Variants in RBMS3 observed in about 807,000 individuals in gnomAD.
RBMS3 encodes the protein RNA binding motif single stranded interacting protein 3.
Under a neutral mutation model 66.8 loss-of-function variants are expected in RBMS3, and 27 were observed. The ratio of observed to expected loss-of-function variants is 0.40; its 90% CI spans 0.30 to 0.56. The LOEUF is 0.56. Ranked by LOEUF, RBMS3 falls within the 20% of genes least tolerant of loss-of-function variation. RBMS3 has a pLI of 0.40. For missense variants in RBMS3, 513 were observed against 549.5 expected, an observed-to-expected ratio of 0.93 and a Z score of 0.66; for synonymous variants, 188 against 183.0, an observed-to-expected ratio of 1.03 and a Z score of -0.22.
chr3:29,974,204 T>C (rs1377828715), intron 12 of RBMS3, among the ~76,000 whole-genome samples: 1 of 151,944 alleles, frequency 6.6e-6, no homozygotes, highest in Non-Finnish European at 1.5e-5. Context: ...TTCACTCTCC[T>C]GCTCTTCAAG....
rs756895558 is a variant in RBMS3 at position 29,307,435 on chromosome 3, C to T, written c.75+25679C>T. The stretch of plus-strand genomic sequence containing the variant: ...TTATAAAGTAGCCCCTAATCTCTCA[C>T]CATGATAGGCCAGCTATACATAGTG... On this transcript the variant is annotated intron_variant, in intron 1 of 14. Coordinates refer to ENST00000383767, the MANE Select transcript of RBMS3 (RefSeq NM_001003793.3). Among the ~76,000 whole-genome samples, 110 of 151,890 alleles carry T rather than the reference C, an allele frequency of 7.2e-4. 2 individuals are homozygous for T. The highest frequency in any genetic ancestry group is 3.4e-4 in the Non-Finnish European group (23 of 67,908).
At chr3:29,980,021 G>A (rs772655730) in intron 12 of RBMS3, among the ~76,000 whole-genome samples, 15 of 152,066 alleles carry the variant, frequency 9.9e-5, no homozygotes, top group Non-Finnish European at 1.5e-4. Context: ...ACTGTCTTCC[G>A]CAATGGTAGA....
rs116691329 is a variant in RBMS3 at position 29,311,680 on chromosome 3, G to A, written c.75+29924G>A. Among the ~76,000 whole-genome samples, 816 of 151,930 alleles carry A rather than the reference G, an allele frequency of 5.4e-3. 11 individuals carry two copies. The highest frequency in any genetic ancestry group is 0.019 in the African/African-American group (773 of 41,506). On this transcript the variant is annotated intron_variant, in intron 1 of 14. Transcript: ENST00000383767. ...TGGAAGCCACTATAGAGTAATAGGC[G>A]TAAGAGCATTGCATTGAAATCTACA...
At chr3:29,363,722 G>A (rs1011000110) in intron 1 of RBMS3, among the ~76,000 whole-genome samples, 1 of 151,620 alleles carries the variant, frequency 6.6e-6, no homozygotes, top group Non-Finnish European at 1.5e-5. Context: ...CCCAGGAGGC[G>A]GAGGTTGTGG....
rs74406948 is a variant in RBMS3 at position 29,407,979 on chromosome 3, A to G, written c.76-26764A>G. 5.2e-3 allele frequency among the ~76,000 whole-genome samples: 791 copies of G among 152,258 alleles called. 15 individuals are homozygous for G. In the East Asian group the frequency reaches 0.053, roughly 10 times the overall value. ...TACTCAATTTTCAAAGTCATTAGAAATTAGGAAAATTGGCTGGGCACGGTG... is the reference window on the plus strand; with the variant it reads ...TACTCAATTTTCAAAGTCATTAGAAGTTAGGAAAATTGGCTGGGCACGGTG... On this transcript the variant is annotated intron_variant, in intron 1 of 14. Coordinates refer to ENST00000383767, the MANE Select transcript of RBMS3 (RefSeq NM_001003793.3).
intron 3 of RBMS3, among the ~76,000 whole-genome samples, chr3:29,541,880 G>A (rs1275004017): frequency 6.6e-6 from 1 of 151,744 alleles, no homozygotes; most frequent in East Asian, 1.9e-4. Context: ...CCCCTCCTTG[G>A]TGTACATGCT....
In RBMS3 at chr3:29,683,166, G is replaced by T. The variant is rs770191989; in HGVS notation, c.400-56554G>T. 7.2e-5 allele frequency among the ~76,000 whole-genome samples: 11 copies of T among 152,122 alleles called. No homozygotes were observed. The South Asian group carries it at 1.5e-3, about 20-fold the overall frequency. On this transcript the variant is annotated intron_variant, in intron 4 of 14. Coordinates refer to ENST00000383767, the MANE Select transcript of RBMS3 (RefSeq NM_001003793.3). ...CAGCAGATGTCAAGACCATTTGTTT[G>T]GTTCCTCATAGCCTCCATGTGATCT...
At chr3:29,475,497 A>G (rs1157423075) in intron 2 of RBMS3, among the ~76,000 whole-genome samples, 1 of 152,124 alleles carries the variant, frequency 6.6e-6, no homozygotes, top group East Asian at 1.9e-4. Context: ...CAATCCGTCC[A>G]GCTCAGCCTC....
At chr3:29,525,539 G>A (rs1049728307) in intron 3 of RBMS3, among the ~76,000 whole-genome samples, 1 of 152,180 alleles carries the variant, frequency 6.6e-6, no homozygotes, top group African/African-American at 2.4e-5. Context: ...AAGTAGCATG[G>A]TATGCAACTC....
chr3:29,615,657 C>G (rs1337186637), intron 4 of RBMS3, among the ~76,000 whole-genome samples: 1 of 152,108 alleles, frequency 6.6e-6, no homozygotes, highest in Admixed American at 6.6e-5. Context: ...AAAAAGACTA[C>G]TTGAGTCCAA....
rs540828247 is a variant in RBMS3, at chr3:29,847,809, T to C, written c.638-21049T>C. Among the ~76,000 whole-genome samples, 453 of 152,170 alleles carry C rather than the reference T, an allele frequency of 3.0e-3. 1 individual carries two copies. Among genetic ancestry groups the C allele is most frequent in the African/African-American group, 0.01 (425 of 41,524 alleles). ...TAGCTGGGACTACAGGCGCTCGCCG[T>C]CACGCCCGGCTAATTTTCTTGTGTT... On this transcript the variant is annotated intron_variant, in intron 6 of 14. Coordinates refer to ENST00000383767, the MANE Select transcript of RBMS3 (RefSeq NM_001003793.3).
chr3:29,700,839 C>T (rs1469922455), intron 4 of RBMS3, among the ~76,000 whole-genome samples: 1 of 114,430 alleles, frequency 8.7e-6, no homozygotes, highest in Non-Finnish European at 1.7e-5. Flanking sequence ...GGTTAGAGGA[C>T]ACACGAGGGA....
intron 1 of RBMS3, among the ~76,000 whole-genome samples, chr3:29,423,795 G>C (rs931072337): frequency 1.3e-5 from 2 of 152,184 alleles, no homozygotes; most frequent in African/African-American, 4.8e-5. Flanking sequence ...AATTTAAATA[G>C]CTGCATGCTG....
rs531860635 is a variant in RBMS3 at position 29,912,079 on chromosome 3, G to T, written c.939+12324G>T. ...AAGGATGGATGCAGGGATGCGGATG[G>T]ATGAATGGATGGATGGGTGGTCAGA... On this transcript the variant is annotated intron_variant, in intron 10 of 14. Transcript: ENST00000383767. Among the ~76,000 whole-genome samples, 4 of 151,874 alleles carry T rather than the reference G, an allele frequency of 2.6e-5. No homozygotes were observed. In the East Asian group the frequency reaches 5.8e-4, roughly 22 times the overall value.
At chr3:29,769,897 T>C (rs1302304150) in intron 6 of RBMS3, among the ~76,000 whole-genome samples, 2 of 151,910 alleles carry the variant, frequency 1.3e-5, no homozygotes, top group Admixed American at 1.3e-4. Context: ...TAATTAAAAA[T>C]ATTTCCATAT....
At chr3:29,563,921 G>A (rs534167477) in intron 3 of RBMS3, among the ~76,000 whole-genome samples, 1 of 151,504 alleles carries the variant, frequency 6.6e-6, no homozygotes, top group Admixed American at 6.6e-5. Flanking sequence ...GGAGGTTGAG[G>A]TGAGAGCATC....
intron 4 of RBMS3, among the ~76,000 whole-genome samples, chr3:29,628,724 T>C (rs1174590453): frequency 6.6e-6 from 1 of 152,104 alleles, no homozygotes. Flanking sequence ...GACAGCACAC[T>C]GTTTCATAAC....
chr3:29,724,416 T>C (rs1277216523), intron 4 of RBMS3, among the ~76,000 whole-genome samples: 1 of 152,180 alleles, frequency 6.6e-6, no homozygotes, highest in Non-Finnish European at 1.5e-5. Context: ...TATCATAACA[T>C]TGAATTTCTA....
At chr3:29,997,040 AAGAG>A (rs555124493) in intron 14 of RBMS3, among the ~76,000 whole-genome samples, 2,087 of 151,878 alleles carry the variant, frequency 0.014, 20 homozygotes, top group African/African-American at 0.029. Flanking sequence ...TAAAGAAAAA[AAGAG>A]AGAAGAATCA....
Sources: gnomAD v4.1 joint callset for allele counts (sites outside exome capture counted in the v4.1 genomes callset) on GRCh38, gnomAD v4.1.1 for gene constraint, MANE v1.5 for transcripts, NCBI Gene and HGNC (gene_info 2026-07-23, HGNC 2026-07-21) for gene names.